Variants in ASCC1 observed in about 807,000 individuals in gnomAD.
The protein encoded by ASCC1 is ASC-1 complex subunit P50.
A neutral mutation model predicts 46.6 loss-of-function variants in ASCC1; 35 were observed. The observed-to-expected ratio is 0.75, with a 90% CI of 0.57 to 0.99. The LOEUF is 0.99. Ranked by LOEUF, ASCC1 falls within the 50% of genes least tolerant of loss-of-function variation. The pLI, the probability that ASCC1 is intolerant of heterozygous loss-of-function variation, is 0.00. For synonymous variants in ASCC1, 143 were observed against 146.6 expected (o/e 0.98, Z 0.18); for missense variants, 376 against 428.7 (o/e 0.88, Z 1.09).
At chr10:72,164,569 T>C (rs932759823) in intron 5 of ASCC1, among the ~76,000 whole-genome samples, 1 of 152,238 alleles carries the variant, frequency 6.6e-6, no homozygotes, top group South Asian at 2.1e-4. Context: ...ACCTTTGCTA[T>C]TAGGAATAAT....
intron 6 of ASCC1, among the ~76,000 whole-genome samples, chr10:72,153,718 G>A (rs1848635150): frequency 6.7e-6 from 1 of 150,252 alleles, no homozygotes; most frequent in South Asian, 2.1e-4. Flanking sequence ...GAGCCACCAC[G>A]CCTGGCCTTT....
At chr10:72,198,015 AAAGGGAAGGG>A (rs1219071897) in intron 4 of ASCC1, among the ~76,000 whole-genome samples, 6 of 51,534 alleles carry the variant, frequency 1.2e-4, no homozygotes, top group Admixed American at 5.2e-4. Context: ...CGAGAAAGAA[AAAGGGAAGGG>A]AAGGGAAGGG....
intron 6 of ASCC1, among the ~76,000 whole-genome samples, chr10:72,159,629 A>G (rs1849386143): frequency 6.6e-6 from 1 of 152,222 alleles, no homozygotes; most frequent in African/African-American, 2.4e-5. Flanking sequence ...TGTAAAATAA[A>G]GCATAATGCT....
chr10:72,118,790 GA>G (rs1293912142), intron 9 of ASCC1, among the ~76,000 whole-genome samples: 4 of 149,452 alleles, frequency 2.7e-5, no homozygotes, highest in Admixed American at 2.0e-4. Flanking sequence ...AAAAAAAAAA[GA>G]AAAAAAAGAA....
intron 7 of ASCC1, among the ~76,000 whole-genome samples, chr10:72,139,423 C>G (rs1416983026): frequency 1.3e-5 from 2 of 152,114 alleles, no homozygotes; most frequent in Non-Finnish European, 2.9e-5. Context: ...CCATTTCTAA[C>G]AGTATATTAT....
intron 4 of ASCC1, among the ~76,000 whole-genome samples, chr10:72,199,744 TG>T (rs2133336081): frequency 1.3e-5 from 2 of 152,268 alleles, no homozygotes; most frequent in South Asian, 4.1e-4. Flanking sequence ...TCTGTTTTTT[TG>T]TTTGTTTTGA....
intron 9 of ASCC1, among the ~76,000 whole-genome samples, chr10:72,104,155 C>A (rs1481616096): frequency 6.6e-6 from 1 of 152,250 alleles, no homozygotes; most frequent in Non-Finnish European, 1.5e-5. Context: ...AGTCTGAGCC[C>A]GTTGATTCCT....
At chr10:72,204,092 ACAAAAATT>A (rs1330708272) in intron 3 of ASCC1, among the ~76,000 whole-genome samples, 1 of 152,178 alleles carries the variant, frequency 6.6e-6, no homozygotes, top group African/African-American at 2.4e-5. Context: ...CTACAAAAAT[ACAAAAATT>A]AACTGGGTGT....
chr10:72,185,110 A>G (rs914900447), intron 5 of ASCC1, among the ~76,000 whole-genome samples: 8 of 152,220 alleles, frequency 5.3e-5, no homozygotes, highest in African/African-American at 1.7e-4. Context: ...TTAAATTAAA[A>G]TAAGATAGAC....
chr10:72,167,044 T>G (rs4417191), intron 5 of ASCC1, among the ~76,000 whole-genome samples: 4 of 152,080 alleles, frequency 2.6e-5, no homozygotes, highest in African/African-American at 9.7e-5. Context: ...CTCAAAAAAT[T>G]AAACATAAAT....
intron 5 of ASCC1, among the ~76,000 whole-genome samples, chr10:72,188,450 A>G (rs560766383): frequency 9.9e-5 from 15 of 152,068 alleles, no homozygotes; most frequent in African/African-American, 3.4e-4. Flanking sequence ...CTGCATATCC[A>G]TCTCTCACTG....
intron 9 of ASCC1, among the ~76,000 whole-genome samples, chr10:72,110,951 C>A (rs983711147): frequency 3.9e-5 from 6 of 152,176 alleles, no homozygotes; most frequent in African/African-American, 1.2e-4. Context: ...AACTAAGTTA[C>A]CTCATTAGAC....
chr10:72,160,777 G>C (rs540423276), intron 6 of ASCC1, among the ~76,000 whole-genome samples: 2 of 125,380 alleles, frequency 1.6e-5, no homozygotes, highest in South Asian at 5.2e-4. Context: ...AAAATTATTT[G>C]TATTAAAAAA....
intron 9 of ASCC1, among the ~76,000 whole-genome samples, chr10:72,122,913 T>A (rs775773843): frequency 6.6e-6 from 1 of 152,136 alleles, no homozygotes; most frequent in African/African-American, 2.4e-5. Context: ...AGAGGGAAAT[T>A]TATAGTATTT....
chr10:72,155,143 A>G (rs940364084), intron 6 of ASCC1, among the ~76,000 whole-genome samples: 1 of 152,228 alleles, frequency 6.6e-6, no homozygotes, highest in Non-Finnish European at 1.5e-5. Context: ...GGAAGGATAC[A>G]GAGAAAGTGG....
intron 9 of ASCC1, among the ~76,000 whole-genome samples, chr10:72,108,553 C>T (rs537761882): frequency 1.6e-4 from 24 of 152,348 alleles, no homozygotes; most frequent in African/African-American, 5.3e-4. Context: ...GCACTGACCT[C>T]ATTTCTGTGA....
chr10:72,133,519 G>A (rs904142705), intron 7 of ASCC1: 3 of 307,942 alleles, frequency 9.7e-6, no homozygotes, highest in African/African-American at 4.3e-5. Context: ...ACCAGGGAAG[G>A]AGGGGCACTT....
intron 5 of ASCC1, among the ~76,000 whole-genome samples, chr10:72,187,730 A>C (rs1367565320): frequency 2.7e-5 from 4 of 150,446 alleles, no homozygotes; most frequent in Admixed American, 6.6e-5. Context: ...AAAAAAAAAA[A>C]AAAAAAAAAA....
rs150017135 is a variant in ASCC1 at position 72,159,037 on chromosome 10, G to A, written c.626+2501C>T. 26 of 152,312 alleles carry A rather than the reference G, an allele frequency of 1.7e-4. No homozygotes were observed. The East Asian group carries it at 5.0e-3, about 29-fold the overall frequency. The allele number at this position is 152,312 out of a possible 1,614,324, so 9.4% of individuals were successfully genotyped here. A position where few individuals can be genotyped will look rare whatever the true frequency, so the allele number is the denominator to read the frequency against. ...TTTTGCACTTTTTAAACAAATGCAT[G>A]TGATGGGAGAAATCAGGAGAAGAAG... On this transcript the variant is annotated intron_variant, in intron 6 of 9. Transcript: ENST00000672957.
Sources: allele counts gnomAD v4.1 joint callset (sites outside exome capture counted in the v4.1 genomes callset), GRCh38; gene constraint gnomAD v4.1.1; transcripts MANE v1.5; gene names NCBI Gene and HGNC (gene_info 2026-07-23, HGNC 2026-07-21).